CNOT2: variants seen among roughly 807,000 people sequenced by gnomAD.
The protein encoded by CNOT2 is CCR4-NOT transcription complex subunit 2.
A neutral mutation model predicts 72.1 loss-of-function variants in CNOT2; 7 were observed. That is an observed-to-expected ratio of 0.10 (90% CI 0.06 to 0.18). The LOEUF (loss-of-function observed/expected upper bound fraction) is 0.18, where lower values mean the gene tolerates loss of function less well. Among genes scored for constraint, CNOT2 ranks in the 10% least tolerant of loss-of-function variants. The pLI is 1.00. For synonymous variants in CNOT2, 196 were observed against 225.6 expected, an observed-to-expected ratio of 0.87 and a Z score of 1.17; for missense variants, 345 against 660.3, an observed-to-expected ratio of 0.52 and a Z score of 5.23.
chr12:70,253,084 G>A (rs1186510258), intron 1 of CNOT2, among the ~76,000 whole-genome samples: 1 of 152,158 alleles, frequency 6.6e-6, no homozygotes, highest in Non-Finnish European at 1.5e-5. Context: ...GTAATATTTT[G>A]AGTAACATAA....
At chr12:70,271,437 A>G (rs10879118) in intron 1 of CNOT2, among the ~76,000 whole-genome samples, 41,286 of 146,860 alleles carry the variant, frequency 0.28, 6,060 homozygotes, top group Admixed American at 0.44. Context: ...GCAGTGGCAC[A>G]ATCTCAGCTC....
At chr12:70,342,372 T>G in intron 13 of CNOT2, 65 bp downstream of exon 13, 1 of 1,571,750 alleles carries the variant, frequency 6.4e-7, no homozygotes. Flanking sequence ...TGTTTTTCAG[T>G]TCAGGCAGCA....
intron 2 of CNOT2, among the ~76,000 whole-genome samples, chr12:70,288,136 C>CTTTTTTTTTTTTT (rs68143994): frequency 8.1e-5 from 7 of 86,700 alleles, no homozygotes; most frequent in Non-Finnish European, 1.1e-4. Flanking sequence ...TGGTGTAGCT[C>CTTTTTTTTTTTTT]TTTTTTTTTT....
At chr12:70,283,469 A>ATAGATAGATAGATAGG (rs1296275439) in intron 2 of CNOT2, among the ~76,000 whole-genome samples, 4 of 125,240 alleles carry the variant, frequency 3.2e-5, no homozygotes, top group African/African-American at 6.6e-5. Context: ...CAGTCGATTG[A>ATAGATAGATAGATAGG]TAGATAGATA....
intron 1 of CNOT2, among the ~76,000 whole-genome samples, chr12:70,256,164 T>G (rs1378745998): frequency 1.3e-5 from 2 of 152,210 alleles, no homozygotes; most frequent in Non-Finnish European, 2.9e-5. Context: ...TTTCTAATTG[T>G]ATATTCCAGC....
chr12:70,269,000 C>G (rs1334514257), intron 1 of CNOT2, among the ~76,000 whole-genome samples: 1 of 152,168 alleles, frequency 6.6e-6, no homozygotes, highest in Non-Finnish European at 1.5e-5. Context: ...CCATCATTTT[C>G]TTTTTCAAAG....
intron 1 of CNOT2, among the ~76,000 whole-genome samples, chr12:70,257,875 A>G (rs1264303895): frequency 6.6e-6 from 1 of 152,168 alleles, no homozygotes; most frequent in East Asian, 1.9e-4. Context: ...AAAGCTTTTA[A>G]TATTCAGTTG....
At chr12:70,337,319 TA>T in intron 8 of CNOT2, 69 bp from the exon 9 acceptor site, 1 of 1,363,328 alleles carries the variant, frequency 7.3e-7, no homozygotes, top group Non-Finnish European at 1.0e-6. Context: ...TGAGGAAAGT[TA>T]ACTTTATAAT....
Position 70,329,433 on chromosome 12 carries a change from C to A in CNOT2, c.249C>A (p.Gly83=). The A allele has an allele frequency of 1.2e-6, 2 of 1,610,916 alleles. No homozygotes were observed. The highest frequency in any genetic ancestry group is 1.7e-6 in the Non-Finnish European group (2 of 1,177,858). ...ASLYGQQSAL[G]LPMRGMSNNT... is the part of the protein sequence containing the mutation. Reference sequence around the variant, plus strand: ...GAATTTTTTTATTAGGTGCACTAGGCCTTCCAATGAGGGGGATGAGCAACA... The same window carrying A: ...GAATTTTTTTATTAGGTGCACTAGGACTTCCAATGAGGGGGATGAGCAACA... Residue 83 remains glycine (G), a synonymous_variant, in exon 5 of 16, where the codon GGC becomes GGA. Coordinates refer to ENST00000229195, the MANE Select transcript of CNOT2 (RefSeq NM_014515.7).
Position 70,346,405 on chromosome 12 carries a change from A to G in CNOT2, c.1536+81A>G, listed in dbSNP as rs1439597958. 3.5e-6 allele frequency: 4 copies of G among 1,158,184 alleles called. No homozygotes were observed. The African/African-American group carries it at 6.2e-5, about 18-fold the overall frequency. The allele number at this position is 1,158,184 out of a possible 1,614,324, so 71.7% of individuals were successfully genotyped here. ...CTCTTTTATCTGTTTATAAGTACCA[A>G]TACATCCAGTTCCAGTAATGTGCCA... On this transcript the variant is annotated intron_variant, in intron 15 of 15. Transcript: ENST00000229195.
rs150272270 is a variant in CNOT2 at position 70,342,254 on chromosome 12, C to T, written c.1241-4C>T. 586 of 1,613,630 alleles carry T rather than the reference C, an allele frequency of 3.6e-4. No homozygotes were observed. Among genetic ancestry groups the T allele is most frequent in the Non-Finnish European group, 4.7e-4 (549 of 1,179,758 alleles). On this transcript the variant is annotated splice_region_variant and splice_polypyrimidine_tract_variant and intron_variant, in intron 12 of 15. Transcript: ENST00000229195. Reference sequence around the variant, plus strand: ...AATAAGGCTTTTTTCATTTTATTATCCAGACTTCCATGTTCCATCTGAGTA... The same window carrying T: ...AATAAGGCTTTTTTCATTTTATTATTCAGACTTCCATGTTCCATCTGAGTA...
intron 2 of CNOT2, among the ~76,000 whole-genome samples, chr12:70,292,427 T>C (rs1872085965): frequency 6.6e-6 from 1 of 152,182 alleles, no homozygotes; most frequent in South Asian, 2.1e-4. Flanking sequence ...TAATTTTAAA[T>C]ACACAAGGAA....
chr12:70,352,062 A>G (rs1882938600), intron 15 of CNOT2, among the ~76,000 whole-genome samples: 1 of 151,988 alleles, frequency 6.6e-6, no homozygotes, highest in African/African-American at 2.4e-5. Context: ...TTCACCTTAT[A>G]CCAAGAGAGA....
At chr12:70,252,475 T>C (rs1444122766) in intron 1 of CNOT2, among the ~76,000 whole-genome samples, 1 of 152,190 alleles carries the variant, frequency 6.6e-6, no homozygotes, top group Non-Finnish European at 1.5e-5. Context: ...GCCTAAATTA[T>C]TGCTTTTATT....
At chr12:70,246,732 T>G (rs1957892675) in intron 1 of CNOT2, among the ~76,000 whole-genome samples, 1 of 152,218 alleles carries the variant, frequency 6.6e-6, no homozygotes, top group African/African-American at 2.4e-5. Flanking sequence ...GGTTTTTCTG[T>G]TTGACATCCT....
chr12:70,275,555 A>G (rs539641681), intron 1 of CNOT2, among the ~76,000 whole-genome samples: 1 of 152,170 alleles, frequency 6.6e-6, no homozygotes, highest in Non-Finnish European at 1.5e-5. Context: ...ATTGTTTCAT[A>G]TATTTTGTCT....
At chr12:70,276,253 A>G (rs1187891990) in intron 1 of CNOT2, among the ~76,000 whole-genome samples, 2 of 152,026 alleles carry the variant, frequency 1.3e-5, no homozygotes, top group Admixed American at 1.3e-4. Context: ...AGGTTGTATT[A>G]AAGATGTATA....
At chr12:70,289,508 C>A (rs1240573536) in intron 2 of CNOT2, among the ~76,000 whole-genome samples, 1 of 151,908 alleles carries the variant, frequency 6.6e-6, no homozygotes, top group African/African-American at 2.4e-5. Context: ...GAATTTTTTT[C>A]ATCCATTATT....
intron 2 of CNOT2, among the ~76,000 whole-genome samples, chr12:70,288,136 C>CTTTTTTTT (rs68143994): frequency 6.9e-5 from 6 of 86,700 alleles, no homozygotes; most frequent in South Asian, 4.8e-4. Flanking sequence ...TGGTGTAGCT[C>CTTTTTTTT]TTTTTTTTTT....
Sources: gnomAD v4.1 joint callset for allele counts (sites outside exome capture counted in the v4.1 genomes callset) on GRCh38, gnomAD v4.1.1 for gene constraint, MANE v1.5 for transcripts, NCBI Gene and HGNC (gene_info 2026-07-23, HGNC 2026-07-21) for gene names.